TBL1X: variants seen among roughly 807,000 people sequenced by gnomAD.
The protein encoded by TBL1X is transducin beta like 1 X-linked.
A neutral mutation model predicts 50.7 loss-of-function variants in TBL1X; 10 were observed. The ratio of observed to expected loss-of-function variants is 0.20; its 90% CI spans 0.12 to 0.33. TBL1X has a LOEUF of 0.33. Among genes scored for constraint, TBL1X ranks in the 10% least tolerant of loss-of-function variants. The pLI is 1.00. For missense variants in TBL1X, 340 were observed against 504.4 expected (o/e 0.67, Z 3.12); for synonymous variants, 190 against 214.7 (o/e 0.88, Z 1.01).
intron 2 of TBL1X, among the ~76,000 whole-genome samples, chrX:9,514,938 C>T (rs1433049803): frequency 8.9e-6 from 1 of 111,898 alleles, no homozygotes; most frequent in East Asian, 2.8e-4. Context: ...GCGAGGAGCT[C>T]CTTGACTTTC....
chrX:9,588,183 C>G (rs1160490928), intron 2 of TBL1X, among the ~76,000 whole-genome samples: 1 of 111,516 alleles, frequency 9.0e-6, no homozygotes, highest in Non-Finnish European at 1.9e-5. Flanking sequence ...GATACATAAT[C>G]CAGAGGTGAT....
chrX:9,620,130 T>TG (rs1236244128), intron 2 of TBL1X, among the ~76,000 whole-genome samples: 1 of 111,878 alleles, frequency 8.9e-6, no homozygotes, highest in Non-Finnish European at 1.9e-5. Context: ...GGGAGGGATG[T>TG]GGTACCGTGT....
intron 17 of TBL1X, among the ~76,000 whole-genome samples, chrX:9,715,557 C>T (rs768452220): frequency 8.9e-6 from 1 of 112,031 alleles, no homozygotes; most frequent in East Asian, 2.8e-4. Flanking sequence ...AGAAAAGGTT[C>T]AGCAGATATA....
At chrX:9,654,352 A>G (rs1000194609) in intron 5 of TBL1X, 30 bp downstream of exon 5, 5 of 1,180,516 alleles carry the variant, frequency 4.2e-6, no homozygotes, top group Non-Finnish European at 5.8e-6. Flanking sequence ...GTCGGTAGGA[A>G]ATTCATCTAC....
At chrX:9,491,135 A>G (rs5978324) in intron 1 of TBL1X, among the ~76,000 whole-genome samples, 5,894 of 104,882 alleles carry the variant, frequency 0.056, 442 homozygotes, top group African/African-American at 0.2. Context: ...GCATGCCACC[A>G]TGCTCTGCTA....
chrX:9,613,369 C>G (rs769146825), intron 2 of TBL1X, among the ~76,000 whole-genome samples: 6 of 108,316 alleles, frequency 5.5e-5, no homozygotes, highest in African/African-American at 1.8e-4. Context: ...AGAAACAGAC[C>G]CCTTACCATT....
chrX:9,691,438 A>C (rs1459283316), intron 7 of TBL1X, 141 bp from the exon 8 acceptor site: 1 of 474,901 alleles, frequency 2.1e-6, no homozygotes, highest in Non-Finnish European at 2.9e-6. Context: ...TCCGTCTCAA[A>C]AAAAAAAAAA....
chrX:9,541,602 G>A (rs1242552928), intron 2 of TBL1X, among the ~76,000 whole-genome samples: 2 of 112,744 alleles, frequency 1.8e-5, no homozygotes, highest in African/African-American at 6.4e-5. Flanking sequence ...CATCACAGCC[G>A]CAGAAGATAC....
chrX:9,680,392 G>A (rs1221950424), intron 5 of TBL1X, among the ~76,000 whole-genome samples: 2 of 112,216 alleles, frequency 1.8e-5, no homozygotes, highest in Non-Finnish European at 3.8e-5. Context: ...TCCATCAAAT[G>A]TGTTGGGGGT....
At chrX:9,514,835 A>C (rs1292664495) in intron 2 of TBL1X, among the ~76,000 whole-genome samples, 1 of 112,235 alleles carries the variant, frequency 8.9e-6, no homozygotes, top group Non-Finnish European at 1.9e-5. Context: ...ATATATTTCC[A>C]AATGTCAACA....
intron 1 of TBL1X, among the ~76,000 whole-genome samples, chrX:9,473,675 T>A (rs1156475027): frequency 8.9e-6 from 1 of 112,163 alleles, no homozygotes; most frequent in Non-Finnish European, 1.9e-5. Context: ...GTCCCCCACC[T>A]TTGAAGGGGG....
chrX:9,503,707 A>G (rs2082012440), intron 2 of TBL1X, among the ~76,000 whole-genome samples: 1 of 112,554 alleles, frequency 8.9e-6, no homozygotes, highest in Non-Finnish European at 1.9e-5. Flanking sequence ...ATCCTTTCTT[A>G]GTTGGGGTGT....
rs1569205470 is a variant in TBL1X at position 9,491,325 on chromosome X, TA to T, written c.-200-10454del. ...GTATATTTATATATATATATATATA[TA>T]TATATATATATATTTTTTTTTTTTT... is the stretch of plus-strand genomic sequence containing the variant. On this transcript the variant is annotated intron_variant, in intron 1 of 17. Coordinates refer to ENST00000645353, the MANE Select transcript of TBL1X (RefSeq NM_005647.4). Among the ~76,000 whole-genome samples the T allele has an allele frequency of 2.5e-3, 78 of 31,832 alleles. 1 individual carries two copies. The highest frequency in any genetic ancestry group is 5.9e-3 in the African/African-American group (51 of 8,590). The allele number at this position is 31,832 out of a possible 115,157, so 27.6% of individuals were successfully genotyped here.
chrX:9,701,440 C>T (rs2083170809), intron 12 of TBL1X, among the ~76,000 whole-genome samples: 1 of 109,174 alleles, frequency 9.2e-6, no homozygotes, highest in Non-Finnish European at 1.9e-5. Flanking sequence ...GGGCTAACCA[C>T]CTGAGCACGG....
chrX:9,592,859 C>T (rs188282898), intron 2 of TBL1X, among the ~76,000 whole-genome samples: 59 of 112,396 alleles, frequency 5.2e-4, no homozygotes, highest in African/African-American at 1.5e-3. Context: ...CACGCACACA[C>T]GTAGAGTAGC....
intron 8 of TBL1X, 140 bp downstream of exon 8, chrX:9,691,851 G>T: frequency 1.1e-6 from 1 of 898,923 alleles, no homozygotes. Flanking sequence ...GGAATGGGTG[G>T]CTCTATGAGC....
intron 15 of TBL1X, 71 bp downstream of exon 15, chrX:9,709,831 G>A (rs1246490121): frequency 4.6e-5 from 53 of 1,150,833 alleles, no homozygotes; most frequent in Non-Finnish European, 5.4e-5. Context: ...GCTAAAGCGC[G>A]TCCATGCACG....
At position 9,474,067 on chromosome X, in the gene TBL1X, T is replaced by G. The variant is rs747506077; in HGVS notation, c.-201+8620T>G. 2.7e-5 allele frequency among the ~76,000 whole-genome samples: 3 copies of G among 112,743 alleles called. No homozygotes were observed. The East Asian group carries it at 8.3e-4, about 31-fold the overall frequency. On this transcript the variant is annotated intron_variant, in intron 1 of 17. Transcript: ENST00000645353. ...TCAGATTTTAATTCCCAAAAGGGTC[T>G]TAGTGAGTTTCATGCCCTCTGGCAG...
chrX:9,636,527 C>CCAT (rs2082749087), intron 2 of TBL1X: 1 of 108,019 alleles, frequency 9.3e-6, no homozygotes, highest in African/African-American at 3.4e-5. Context: ...ACAACAACAA[C>CCAT]CATGTATGGT....
Sources: gnomAD v4.1 joint callset for allele counts (sites outside exome capture counted in the v4.1 genomes callset) on GRCh38, gnomAD v4.1.1 for gene constraint, MANE v1.5 for transcripts, NCBI Gene and HGNC (gene_info 2026-07-23, HGNC 2026-07-21) for gene names.